SLC24A2: variants seen among roughly 807,000 people sequenced by gnomAD.
The protein encoded by SLC24A2 is solute carrier family 24 member 2.
A neutral mutation model predicts 62.0 loss-of-function variants in SLC24A2; 36 were observed. That is an observed-to-expected ratio of 0.58 (90% CI 0.44 to 0.77). The LOEUF (loss-of-function observed/expected upper bound fraction) is 0.77. Among genes scored for constraint, SLC24A2 ranks in the 30% least tolerant of loss-of-function variants. The pLI is 0.00. For missense variants in SLC24A2, 846 were observed against 817.9 expected, an observed-to-expected ratio of 1.03 and a Z score of -0.42; for synonymous variants, 358 against 294.0, an observed-to-expected ratio of 1.22 and a Z score of -2.23.
chr9:20,035,782 G>A, the SLC24A2 span, among the ~76,000 whole-genome samples: 1 of 152,180 alleles, frequency 6.6e-6, no homozygotes, highest in East Asian at 1.9e-4. Context: ...AAATTGAAAT[G>A]GACATCTCTC....
intron 4 of SLC24A2, among the ~76,000 whole-genome samples, chr9:19,609,705 A>C (rs1205447561): frequency 6.6e-6 from 1 of 152,080 alleles, no homozygotes; most frequent in Non-Finnish European, 1.5e-5. Context: ...TGTTTAAATA[A>C]TCCTTTAGTT....
At chr9:19,639,623 C>G (rs1038288714) in intron 2 of SLC24A2, among the ~76,000 whole-genome samples, 1 of 152,236 alleles carries the variant, frequency 6.6e-6, no homozygotes, top group Non-Finnish European at 1.5e-5. Flanking sequence ...CACCGATAAT[C>G]TTGTATGGAC....
the SLC24A2 span, among the ~76,000 whole-genome samples, chr9:20,065,921 G>T: frequency 6.6e-6 from 1 of 152,092 alleles, no homozygotes; most frequent in Admixed American, 6.6e-5. Flanking sequence ...TCTCCCCAAG[G>T]GCTGGAAGGA....
chr9:20,123,426 T>C, the SLC24A2 span, among the ~76,000 whole-genome samples: 1 of 152,330 alleles, frequency 6.6e-6, no homozygotes, highest in East Asian at 1.9e-4. Flanking sequence ...TTTCTCTACT[T>C]TTCAAATGAC....
At chr9:19,709,844 T>C (rs1321628191) in intron 2 of SLC24A2, among the ~76,000 whole-genome samples, 3 of 151,906 alleles carry the variant, frequency 2.0e-5, no homozygotes, top group African/African-American at 4.8e-5. Flanking sequence ...GGCACATGTA[T>C]ACATATGTAA....
intron 7 of SLC24A2, among the ~76,000 whole-genome samples, chr9:19,557,449 A>G (rs1461156057): frequency 2.0e-5 from 3 of 152,234 alleles, no homozygotes; most frequent in South Asian, 2.1e-4. Context: ...AGAAGTAGGT[A>G]CAAAATAATA....
At chr9:20,197,427 CTT>C in the SLC24A2 span, among the ~76,000 whole-genome samples, 86 of 93,160 alleles carry the variant, frequency 9.2e-4, no homozygotes, top group African/African-American at 3.6e-3. Context: ...CTCTCTCTCT[CTT>C]TTTTTTTTTT....
the SLC24A2 span, among the ~76,000 whole-genome samples, chr9:19,837,836 A>T: frequency 6.6e-6 from 1 of 151,980 alleles, no homozygotes; most frequent in South Asian, 2.1e-4. Context: ...AAAGAGAATA[A>T]AATACCTAGG....
At chr9:19,651,701 A>G (rs1205276218) in intron 2 of SLC24A2, among the ~76,000 whole-genome samples, 2 of 152,142 alleles carry the variant, frequency 1.3e-5, no homozygotes, top group Non-Finnish European at 2.9e-5. Flanking sequence ...AGATAATATA[A>G]CCAATGCCTT....
the SLC24A2 span, among the ~76,000 whole-genome samples, chr9:19,865,897 C>A: frequency 1.3e-5 from 2 of 152,204 alleles, no homozygotes; most frequent in East Asian, 3.9e-4. Flanking sequence ...AAACAATAAA[C>A]AAATTGAAGA....
chr9:19,971,227 C>A, the SLC24A2 span, among the ~76,000 whole-genome samples: 1 of 152,194 alleles, frequency 6.6e-6, no homozygotes, highest in Non-Finnish European at 1.5e-5. Context: ...CTGCACAAGA[C>A]AAAAAGAATG....
intron 2 of SLC24A2, among the ~76,000 whole-genome samples, chr9:19,650,908 T>C (rs1163733350): frequency 6.6e-6 from 1 of 151,944 alleles, no homozygotes; most frequent in East Asian, 1.9e-4. Flanking sequence ...GTTGGCAGGG[T>C]TGAAATGCTT....
At chr9:20,211,235 G>T in the SLC24A2 span, among the ~76,000 whole-genome samples, 2 of 152,052 alleles carry the variant, frequency 1.3e-5, no homozygotes, top group Non-Finnish European at 2.9e-5. Flanking sequence ...CATGCTGGCC[G>T]GGCGCGGTGG....
At chr9:19,765,970 A>G (rs1822502961) in intron 2 of SLC24A2, among the ~76,000 whole-genome samples, 1 of 151,852 alleles carries the variant, frequency 6.6e-6, no homozygotes, top group African/African-American at 2.4e-5. Flanking sequence ...ATAGTCCCAT[A>G]TTTCTTGGAG....
At chr9:20,183,168 A>T in the SLC24A2 span, among the ~76,000 whole-genome samples, 8 of 152,192 alleles carry the variant, frequency 5.3e-5, no homozygotes, top group Non-Finnish European at 1.2e-4. Context: ...GGGAGCATTT[A>T]GTGAGCTCTG....
At chr9:19,806,520 A>G in the SLC24A2 span, among the ~76,000 whole-genome samples, 1 of 152,182 alleles carries the variant, frequency 6.6e-6, no homozygotes, top group African/African-American at 2.4e-5. Flanking sequence ...TTTAGGATAG[A>G]ATTGGTTGAG....
At chr9:19,877,615 C>G in the SLC24A2 span, among the ~76,000 whole-genome samples, 1 of 151,524 alleles carries the variant, frequency 6.6e-6, no homozygotes, top group African/African-American at 2.4e-5. Flanking sequence ...GTGACTTGCC[C>G]AAAGTAAGAC....
chr9:20,117,711 C>T, the SLC24A2 span, among the ~76,000 whole-genome samples: 1 of 152,066 alleles, frequency 6.6e-6, no homozygotes, highest in African/African-American at 2.4e-5. Context: ...CTGTTTGATT[C>T]CAAGGTCCAT....
the SLC24A2 span, among the ~76,000 whole-genome samples, chr9:19,854,662 G>A: frequency 1.3e-5 from 2 of 152,098 alleles, no homozygotes; most frequent in African/African-American, 4.8e-5. Context: ...CAGAGAGACT[G>A]TTATGATTTT....
Sources: allele counts gnomAD v4.1 joint callset (sites outside exome capture counted in the v4.1 genomes callset), GRCh38; gene constraint gnomAD v4.1.1; transcripts MANE v1.5; gene names NCBI Gene and HGNC (gene_info 2026-07-23, HGNC 2026-07-21).